SGIP1: variants seen among roughly 807,000 people sequenced by gnomAD.
The protein encoded by SGIP1 is SH3-containing GRB2-like protein 3-interacting protein 1.
Under a neutral mutation model 107.5 loss-of-function variants are expected in SGIP1, and 38 were observed. The ratio of observed to expected loss-of-function variants is 0.35; its 90% CI spans 0.27 to 0.46. The LOEUF (loss-of-function observed/expected upper bound fraction) is 0.46. Among genes scored for constraint, SGIP1 ranks in the 20% least tolerant of loss-of-function variants. The pLI, the probability that SGIP1 is intolerant of heterozygous loss-of-function variation, is 1.00. For synonymous variants in SGIP1, 365 were observed against 366.1 expected, an observed-to-expected ratio of 1.00 and a Z score of 0.03; for missense variants, 929 against 1,019.5, an observed-to-expected ratio of 0.91 and a Z score of 1.21.
At chr1:66,625,072 G>A (rs767101490) in intron 1 of SGIP1, among the ~76,000 whole-genome samples, 14 of 152,178 alleles carry the variant, frequency 9.2e-5, no homozygotes, top group Non-Finnish European at 1.9e-4. Context: ...TAGGGAAACT[G>A]ACACAGGGAC....
At chr1:66,695,131 C>T (rs1325267) in intron 17 of SGIP1, 64,739 of 464,112 alleles carry the variant, frequency 0.14, 7,048 homozygotes, top group East Asian at 0.46. Context: ...AATATGCTGA[C>T]GCCCCTGCAT....
rs539121933 is a variant in SGIP1 at position 66,558,755 on chromosome 1, C to T, written c.10+24387C>T. ...TTTTTCTCACTTCAAGTTGAATTCA[C>T]AAATAATGTCTGGTTTTGTGGGTGT... On this transcript the variant is annotated intron_variant, in intron 1 of 24. Coordinates refer to ENST00000371037, the MANE Select transcript of SGIP1 (RefSeq NM_032291.4). Among the ~76,000 whole-genome samples, 4 of 150,806 alleles carry T rather than the reference C, an allele frequency of 2.7e-5. No homozygotes were observed. The South Asian group carries it at 8.4e-4, about 32-fold the overall frequency.
chr1:66,541,379 G>A (rs975180037), intron 1 of SGIP1, among the ~76,000 whole-genome samples: 51 of 152,230 alleles, frequency 3.4e-4, no homozygotes, highest in Admixed American at 1.2e-3. Flanking sequence ...TCAGATACCC[G>A]TTCTGTGAAT....
intron 15 of SGIP1, among the ~76,000 whole-genome samples, chr1:66,684,372 G>T (rs1235480351): frequency 6.6e-6 from 1 of 152,178 alleles, no homozygotes; most frequent in African/African-American, 2.4e-5. Context: ...TAATTCTAGA[G>T]GGTTACAGCA....
rs1178811454 is a variant in SGIP1, at chr1:66,681,951, G to T, written c.897G>T (p.Leu299Phe). ...TGGACAGCATTTTTGGGCCAGTATT[G>T]TCCCCCAAGTCTGTTGCTGTTAATG... ...NDLDSIFGPVLSPKSVAVNAE... is the reference protein window; with the variant it reads ...NDLDSIFGPVFSPKSVAVNAE... Residue 299 changes from leucine to phenylalanine, a missense_variant, in exon 15 of 25, where the codon TTG becomes TTT. Around this residue, in one of 2 missense-constraint regions of SGIP1, gnomAD observed 588 missense variants for 588.6 expected, o/e 1.00. Transcript: ENST00000371037. 4 of 1,614,064 alleles carry T rather than the reference G, an allele frequency of 2.5e-6. No homozygotes were observed. The highest frequency in any genetic ancestry group is 2.7e-5 in the African/African-American group (2 of 74,918).
intron 1 of SGIP1, among the ~76,000 whole-genome samples, chr1:66,603,776 C>T (rs2066310082): frequency 6.6e-6 from 1 of 152,166 alleles, no homozygotes; most frequent in African/African-American, 2.4e-5. Context: ...AGATCTATGT[C>T]TAAACAATTA....
intron 1 of SGIP1, among the ~76,000 whole-genome samples, chr1:66,580,949 C>T (rs918155318): frequency 5.9e-5 from 9 of 152,110 alleles, no homozygotes; most frequent in Admixed American, 5.2e-4. Context: ...TATGCTAAAG[C>T]GTATTTATTT....
chr1:66,559,149 G>A (rs868434646), intron 1 of SGIP1, among the ~76,000 whole-genome samples: 1 of 152,024 alleles, frequency 6.6e-6, no homozygotes, highest in African/African-American at 2.4e-5. Flanking sequence ...TTTTGTGTGT[G>A]CAGAAAACAT....
intron 1 of SGIP1, among the ~76,000 whole-genome samples, chr1:66,594,962 T>A (rs547614600): frequency 6.6e-6 from 1 of 152,272 alleles, no homozygotes; most frequent in East Asian, 1.9e-4. Context: ...CAGAATGAGA[T>A]GTTTCCTGGA....
chr1:66,681,755 TGCCCACTGAG>T, intron 14 of SGIP1, 104 bp from the exon 15 acceptor site: 1 of 1,016,972 alleles, frequency 9.8e-7, no homozygotes, highest in South Asian at 1.6e-5. Context: ...TCATGAAGTA[TGCCCACTGAG>T]GCACCTCAGA....
Position 66,636,001 on chromosome 1 carries a change from G to A in SGIP1, c.157G>A (p.Gly53Arg), listed in dbSNP as rs1169423397. 3 of 1,612,790 alleles carry A rather than the reference G, an allele frequency of 1.9e-6. No homozygotes were observed. Among genetic ancestry groups the A allele is most frequent in the Non-Finnish European group, 2.5e-6 (3 of 1,179,532 alleles). Residue 53 changes from glycine to arginine, a missense_variant, in exon 4 of 25, where the codon GGA (glycine) becomes AGA (arginine). This residue lies in a region of SGIP1 where 588 missense variants were observed against 588.6 expected (regional missense o/e 1.00). Transcript: ENST00000371037. ...CAAAGCAGAGTGTGCGCGTGAAGGA[G>A]GAAAAAAAGTTTCGGTAAGGAAACA... is the stretch of plus-strand genomic sequence containing the variant. ...NSKAECAREGGKKVSKKSNGA... is the reference protein window; with the variant it reads ...NSKAECAREGRKKVSKKSNGA...
At chr1:66,548,851 C>A (rs1227063987) in intron 1 of SGIP1, among the ~76,000 whole-genome samples, 2 of 152,158 alleles carry the variant, frequency 1.3e-5, no homozygotes, top group Non-Finnish European at 2.9e-5. Flanking sequence ...CAATTCATAG[C>A]CCTCTCTTCC....
intron 2 of SGIP1, among the ~76,000 whole-genome samples, chr1:66,632,010 T>C (rs1570946427): frequency 6.6e-6 from 1 of 152,298 alleles, no homozygotes; most frequent in Admixed American, 6.5e-5. Context: ...AAAATACCTC[T>C]AATACCTCTC....
At chr1:66,652,411 C>A (rs918699451) in intron 7 of SGIP1, among the ~76,000 whole-genome samples, 4 of 152,004 alleles carry the variant, frequency 2.6e-5, no homozygotes, top group African/African-American at 9.7e-5. Context: ...GCTGACCTAC[C>A]CTGGCGTGTA....
At chr1:66,741,528 C>T (rs2094445675) in intron 24 of SGIP1, 92 bp downstream of exon 24, 1 of 1,310,284 alleles carries the variant, frequency 7.6e-7, no homozygotes, top group African/African-American at 1.5e-5. Context: ...CATCTTTTTC[C>T]TCCACCTCTT....
chr1:66,734,112 A>G (rs1572394804), intron 21 of SGIP1, among the ~76,000 whole-genome samples: 2 of 152,228 alleles, frequency 1.3e-5, no homozygotes, highest in East Asian at 1.9e-4. Flanking sequence ...TCACAAAATT[A>G]GAGAAATGTG....
rs2150835559 is a variant in SGIP1 at position 66,749,400 on chromosome 1, A to AT, written c.*6309dup. Among the ~76,000 whole-genome samples the AT allele has an allele frequency of 6.6e-6, 1 of 151,178 alleles. No individual in the cohort carries two copies. The highest frequency in any genetic ancestry group is 2.1e-4 in the South Asian group (1 of 4,804). ...AAGAGCAGTGCACTGTTTAGCACAG[A>AT]TTTTGTGAGATTCTATACTCTTTTA... On this transcript the variant is annotated 3_prime_UTR_variant, in exon 25 of 25. Coordinates refer to ENST00000371037, the MANE Select transcript of SGIP1 (RefSeq NM_032291.4).
Position 66,682,289 on chromosome 1 carries a change from C to A in SGIP1, c.1235C>A (p.Pro412His). The A allele has an allele frequency of 6.2e-7, 1 of 1,614,238 alleles. No individual in the cohort carries two copies. The highest frequency in any genetic ancestry group is 8.5e-7 in the Non-Finnish European group (1 of 1,180,028). The change falls in exon 15 of 25, where the codon CCT (proline) becomes CAT (histidine). Residue 412 changes from proline (P) to histidine (H), a missense_variant. Physicochemically the swap from Pro to His is moderately conservative, Grantham distance 77. This residue lies in a region of SGIP1 where 588 missense variants were observed against 588.6 expected (regional missense o/e 1.00). Coordinates refer to ENST00000371037, the MANE Select transcript of SGIP1 (RefSeq NM_032291.4). ...GGGTTGGGACAAAGAGCAACTCCAC[C>A]TCCCCCACCACCACCCACCTACAGG... ...DFGLGQRATP[P>H]PPPPPTYRTV...
intron 19 of SGIP1, among the ~76,000 whole-genome samples, chr1:66,723,226 T>G (rs1385269254): frequency 6.6e-6 from 1 of 152,364 alleles, no homozygotes; most frequent in Admixed American, 6.5e-5. Context: ...CAAAGGCATT[T>G]GGATTTGATT....
Sources: allele counts gnomAD v4.1 joint callset (sites outside exome capture counted in the v4.1 genomes callset), GRCh38; gene constraint gnomAD v4.1.1; regional missense constraint gnomAD v4.1.1; transcripts MANE v1.5; gene names NCBI Gene and HGNC (gene_info 2026-07-23, HGNC 2026-07-21).